LYNX1: variants seen among roughly 807,000 people sequenced by gnomAD.
LYNX1 encodes ly-6/neurotoxin-like protein 1.
LYNX1 carries 8 observed loss-of-function variants against 8.3 expected under a neutral mutation model. The observed-to-expected ratio is 0.97, with a 90% confidence interval of 0.57 to 1.74. The LOEUF (loss-of-function observed/expected upper bound fraction) is 1.74, where lower values mean the gene tolerates loss of function less well. Among genes scored for constraint, LYNX1 ranks in the 40% most tolerant of loss-of-function variants. The pLI, the probability that LYNX1 is intolerant of heterozygous loss-of-function variation, is 0.00. For synonymous variants in LYNX1, 73 were observed against 67.9 expected, an observed-to-expected ratio of 1.08 and a Z score of -0.37; for missense variants, 158 against 159.7, an observed-to-expected ratio of 0.99 and a Z score of 0.06.
In LYNX1 at chr8:142,775,122, T is replaced by C; in HGVS notation, c.*45A>G. On this transcript the variant is annotated 3_prime_UTR_variant, in exon 4 of 4. Transcript: ENST00000652477. ...TGAGCTGGGTGCGAGGGTGTAGCAGTGTGTCTCGAGAGCTTTGTTCTTGAG... is the reference window on the plus strand; with the variant it reads ...TGAGCTGGGTGCGAGGGTGTAGCAGCGTGTCTCGAGAGCTTTGTTCTTGAG... 6.3e-7 allele frequency: 1 copy of C among 1,585,024 alleles called. No homozygotes were observed. Among genetic ancestry groups the C allele is most frequent in the South Asian group, 1.1e-5 (1 of 87,688 alleles).
intron 2 of LYNX1, 86 bp downstream of exon 2, chr8:142,775,820 C>T (rs1484295224): frequency 6.3e-7 from 1 of 1,584,708 alleles, no homozygotes; most frequent in South Asian, 1.1e-5. Flanking sequence ...GGGGTTGTCG[C>T]TGGGAATTCT....
In LYNX1 at chr8:142,774,891, C is replaced by T. The variant is rs1815336340; in HGVS notation, c.*276G>A. The T allele has an allele frequency of 1.2e-5, 16 of 1,349,826 alleles. No individual in the cohort carries two copies. Among genetic ancestry groups the T allele is most frequent in the Admixed American group, 3.2e-5 (1 of 31,110 alleles). The allele number at this position is 1,349,826 out of a possible 1,614,324, so 83.6% of individuals were successfully genotyped here. ...CTCAGTGCTCCCTGCCTGACTGGGC[C>T]CCTCCCCATAAATAGCCCTGGACAG... On this transcript the variant is annotated 3_prime_UTR_variant, in exon 4 of 4. Transcript: ENST00000652477.
At position 142,774,464 on chromosome 8, in the gene LYNX1, G is replaced by C; in HGVS notation, c.*703C>G. 5.1e-6 allele frequency: 5 copies of C among 985,768 alleles called. No homozygotes were observed. Among genetic ancestry groups the C allele is most frequent in the East Asian group, 1.1e-4 (1 of 8,778 alleles). 61.1% of individuals were successfully genotyped at this position (985,768 alleles called of 1,614,324 possible). A position where few individuals can be genotyped will look rare whatever the true frequency, so the allele number is the denominator to read the frequency against. ...TTCAGGCCTGGTGCCCTCCCCGTGA[G>C]GGGGTGGGAAACGTCAAGGGGTTTG... On this transcript the variant is annotated 3_prime_UTR_variant, in exon 4 of 4. Coordinates refer to ENST00000652477, the MANE Select transcript of LYNX1 (RefSeq NM_177477.4).
chr8:142,773,881 G>A lies in LYNX1; in HGVS notation c.*1286C>T. The A allele has an allele frequency of 1.0e-6, 1 of 985,408 alleles. No individual in the cohort carries two copies. Among genetic ancestry groups the A allele is most frequent in the African/African-American group, 1.7e-5 (1 of 57,344 alleles). The allele number at this position is 985,408 out of a possible 1,614,324, so 61.0% of individuals were successfully genotyped here. On this transcript the variant is annotated 3_prime_UTR_variant, in exon 4 of 4. Transcript: ENST00000652477. ...CAGGTGGGGGCCTCAGGTGCAGCGT[G>A]ACCGCTGGCACCAAAAGGTCTCACG...
chr8:142,773,993 T>G lies in LYNX1; in HGVS notation c.*1174A>C. On this transcript the variant is annotated 3_prime_UTR_variant, in exon 4 of 4. Transcript: ENST00000652477. The stretch of plus-strand genomic sequence containing the variant: ...GATTGGTGCGTGTTGGGCTGACCCC[T>G]GCTTCCCAGGCCTGGGGTGGGGTCC... 1.0e-6 allele frequency: 1 copy of G among 985,276 alleles called. No individual in the cohort carries two copies. The highest frequency in any genetic ancestry group is 1.2e-6 in the Non-Finnish European group (1 of 829,898). The allele number at this position is 985,276 out of a possible 1,614,324, so 61.0% of individuals were successfully genotyped here.
Position 142,773,879 on chromosome 8 carries a change from G to A in LYNX1, c.*1288C>T, listed in dbSNP as rs762932438. 4.3e-4 allele frequency: 428 copies of A among 985,314 alleles called. 1 individual carries two copies. Among genetic ancestry groups the A allele is most frequent in the East Asian group, 1.2e-3 (11 of 8,808 alleles). 61.0% of individuals were successfully genotyped at this position (985,314 alleles called of 1,614,324 possible). A position where few individuals can be genotyped will look rare whatever the true frequency, so the allele number is the denominator to read the frequency against. On this transcript the variant is annotated 3_prime_UTR_variant, in exon 4 of 4. Transcript: ENST00000652477. ...GTCAGGTGGGGGCCTCAGGTGCAGC[G>A]TGACCGCTGGCACCAAAAGGTCTCA...
rs1815415963 is a variant in LYNX1, at chr8:142,776,139, A to T, written c.-164-18T>A. On this transcript the variant is annotated intron_variant, in intron 1 of 3. Coordinates refer to ENST00000652477, the MANE Select transcript of LYNX1 (RefSeq NM_177477.4). ...CTGCAACCCTGCACAGCAGGTGGCA[A>T]AGACAGGTGGTCAGTACTGGGCCTG... 1.2e-5 allele frequency: 8 copies of T among 694,330 alleles called. No homozygotes were observed. Among genetic ancestry groups the T allele is most frequent in the Non-Finnish European group, 2.0e-5 (8 of 401,420 alleles). The allele number at this position is 694,330 out of a possible 1,614,324, so 43.0% of individuals were successfully genotyped here. A position where few individuals can be genotyped will look rare whatever the true frequency, so the allele number is the denominator to read the frequency against.
In LYNX1 at chr8:142,774,771, T is replaced by A; in HGVS notation, c.*396A>T. ...CACCACCCCACCTGCGGGCATTCCTTGTCTTCCCCCTGCCCCAGCACACCA... is the reference window on the plus strand; with the variant it reads ...CACCACCCCACCTGCGGGCATTCCTAGTCTTCCCCCTGCCCCAGCACACCA... On this transcript the variant is annotated 3_prime_UTR_variant, in exon 4 of 4. Coordinates refer to ENST00000652477, the MANE Select transcript of LYNX1 (RefSeq NM_177477.4). The A allele has an allele frequency of 9.5e-7, 1 of 1,057,732 alleles. No homozygotes were observed. Among genetic ancestry groups the A allele is most frequent in the South Asian group, 3.9e-5 (1 of 25,840 alleles). 65.5% of individuals were successfully genotyped at this position (1,057,732 alleles called of 1,614,324 possible).
upstream of LYNX1, among the ~76,000 whole-genome samples, chr8:142,777,487 G>GTCCCCGGA (rs1563841737): frequency 5.8e-5 from 7 of 121,348 alleles, no homozygotes; most frequent in African/African-American, 2.4e-4. Context: ...CCCCGGACCC[G>GTCCCCGGA]CCTCCTGGGC....
In LYNX1 at chr8:142,775,197, G is replaced by A. The variant is rs1333715701; in HGVS notation, c.321C>T (p.Ile107=). 12 of 1,612,714 alleles carry A rather than the reference G, an allele frequency of 7.4e-6. No individual in the cohort carries two copies. The highest frequency in any genetic ancestry group is 1.0e-5 in the Non-Finnish European group (12 of 1,179,550). ...ATPATLALAP[I]LLATLWGLL is the part of the protein sequence containing the mutation. ...GGAGACCCCAGAGGGTGGCCAGGAGGATGGGGGCCAGGGCCAGGGTGGCCG... is the reference window on the plus strand; with the variant it reads ...GGAGACCCCAGAGGGTGGCCAGGAGAATGGGGGCCAGGGCCAGGGTGGCCG... Residue 107 remains isoleucine, a synonymous_variant, in exon 4 of 4, where the codon ATC becomes ATT. Transcript: ENST00000652477.
Position 142,771,372 on chromosome 8 carries a change from G to A in LYNX1, c.*3795C>T, listed in dbSNP as rs764655776. ...CCATTCAGCGGGCACTTATGCCCAC[G>A]ACCAGCTGAGCCAGACCAGCATTCC... On this transcript the variant is annotated 3_prime_UTR_variant, in exon 4 of 4. Coordinates refer to ENST00000652477, the MANE Select transcript of LYNX1 (RefSeq NM_177477.4). 3 of 985,540 alleles carry A rather than the reference G, an allele frequency of 3.0e-6. No individual in the cohort carries two copies. Among genetic ancestry groups the A allele is most frequent in the East Asian group, 2.3e-4 (2 of 8,814 alleles). 61.0% of individuals were successfully genotyped at this position (985,540 alleles called of 1,614,324 possible).
intron 3 of LYNX1, 82 bp downstream of exon 3, chr8:142,775,511 A>G: frequency 6.4e-7 from 1 of 1,554,016 alleles, no homozygotes; most frequent in Non-Finnish European, 8.7e-7. Flanking sequence ...CTCCTTCCTC[A>G]GGACCCCCGC....
Position 142,774,918 on chromosome 8 carries a change from C to G in LYNX1, c.*249G>C. The stretch of plus-strand genomic sequence containing the variant: ...CTCCCCATAAATAGCCCTGGACAGG[C>G]GAGGGGCTGATCAGCCCATCAAAGC... On this transcript the variant is annotated 3_prime_UTR_variant, in exon 4 of 4. Coordinates refer to ENST00000652477, the MANE Select transcript of LYNX1 (RefSeq NM_177477.4). 2.1e-6 allele frequency: 3 copies of G among 1,407,680 alleles called. No homozygotes were observed. Among genetic ancestry groups the G allele is most frequent in the Non-Finnish European group, 2.8e-6 (3 of 1,083,534 alleles). The allele number at this position is 1,407,680 out of a possible 1,614,324, so 87.2% of individuals were successfully genotyped here.
chr8:142,775,885 T>A (rs749799171), intron 2 of LYNX1, 21 bp downstream of exon 2: 35 of 1,614,000 alleles, frequency 2.2e-5, no homozygotes, highest in Non-Finnish European at 2.8e-5. Flanking sequence ...TGCCCATCCC[T>A]CTGTCCTTTG....
rs1173398507 is a variant in LYNX1 at position 142,775,188 on chromosome 8, G to T, written c.330C>A (p.Ala110=). 2 of 1,612,140 alleles carry T rather than the reference G, an allele frequency of 1.2e-6. No individual in the cohort carries two copies. The highest frequency in any genetic ancestry group is 1.7e-6 in the Non-Finnish European group (2 of 1,179,392). Residue 110 remains alanine, a synonymous_variant, in exon 4 of 4, where the codon GCC becomes GCA. Transcript: ENST00000652477. The part of the protein sequence containing the change: ...ATLALAPILL[A]TLWGLL Reference sequence around the variant, plus strand: ...GGCTTTAGAGGAGACCCCAGAGGGTGGCCAGGAGGATGGGGGCCAGGGCCA... The same window carrying T: ...GGCTTTAGAGGAGACCCCAGAGGGTTGCCAGGAGGATGGGGGCCAGGGCCA...
rs1815292175 is a variant in LYNX1 at position 142,774,052 on chromosome 8, C to T, written c.*1115G>A. On this transcript the variant is annotated 3_prime_UTR_variant, in exon 4 of 4. Coordinates refer to ENST00000652477, the MANE Select transcript of LYNX1 (RefSeq NM_177477.4). ...CCACACACCCAGCTGGGGCTTCCAC[C>T]CTGCCCTCCCAGTGGGTGCATCCCC... 1 of 985,482 alleles carries T rather than the reference C, an allele frequency of 1.0e-6. No individual in the cohort carries two copies. The highest frequency in any genetic ancestry group is 6.1e-5 in the Admixed American group (1 of 16,290). 61.0% of individuals were successfully genotyped at this position (985,482 alleles called of 1,614,324 possible). A position where few individuals can be genotyped will look rare whatever the true frequency, so the allele number is the denominator to read the frequency against.
rs1446919460 is a variant in LYNX1, at chr8:142,776,034, ACAGAGGATCCAACTCAGGGTGGTGCG to A, written c.-103_-78del. ...CCTGGATCCAACTCAGGGGTGGCGC[ACAGAGGATCCAACTCAGGGTGGTGCG>A]CAGAGGACGTGGGGCCGGCCCTGCC... On this transcript the variant is annotated 5_prime_UTR_variant, in exon 2 of 4. Coordinates refer to ENST00000652477, the MANE Select transcript of LYNX1 (RefSeq NM_177477.4). 3.2e-6 allele frequency: 5 copies of A among 1,549,956 alleles called. No individual in the cohort carries two copies. Among genetic ancestry groups the A allele is most frequent in the East Asian group, 2.3e-5 (1 of 44,048 alleles).
Position 142,772,985 on chromosome 8 carries a change from C to T in LYNX1, c.*2182G>A. On this transcript the variant is annotated 3_prime_UTR_variant, in exon 4 of 4. Coordinates refer to ENST00000652477, the MANE Select transcript of LYNX1 (RefSeq NM_177477.4). The stretch of plus-strand genomic sequence containing the variant: ...TCCAGCAGGTCCTTGTTCTCAGCTG[C>T]CCCTGAGCCATGGGTGGCCAGGTCT... 1 of 985,656 alleles carries T rather than the reference C, an allele frequency of 1.0e-6. No individual in the cohort carries two copies. The highest frequency in any genetic ancestry group is 1.2e-6 in the Non-Finnish European group (1 of 830,074). 61.1% of individuals were successfully genotyped at this position (985,656 alleles called of 1,614,324 possible).
rs1271017570 is a variant in LYNX1 at position 142,774,798 on chromosome 8, G to A, written c.*369C>T. ...TCTTCCCCCTGCCCCAGCACACCAG[G>A]GGCAGACTGAGGCAGGGGCCTCTCC... On this transcript the variant is annotated 3_prime_UTR_variant, in exon 4 of 4. Coordinates refer to ENST00000652477, the MANE Select transcript of LYNX1 (RefSeq NM_177477.4). 1.8e-6 allele frequency: 2 copies of A among 1,106,136 alleles called. No individual in the cohort carries two copies. Among genetic ancestry groups the A allele is most frequent in the Non-Finnish European group, 2.2e-6 (2 of 905,732 alleles). 68.5% of individuals were successfully genotyped at this position (1,106,136 alleles called of 1,614,324 possible). A position where few individuals can be genotyped will look rare whatever the true frequency, so the allele number is the denominator to read the frequency against.
Sources: allele counts gnomAD v4.1 joint callset (sites outside exome capture counted in the v4.1 genomes callset), GRCh38; gene constraint gnomAD v4.1.1; transcripts MANE v1.5; gene names NCBI Gene and HGNC (gene_info 2026-07-23, HGNC 2026-07-21).